The following EXT1 variants were observed in gnomAD, a reference collection of about 807,000 sequenced individuals.
The protein encoded by EXT1 is exostosin-1.
A neutral mutation model predicts 82.5 loss-of-function variants in EXT1; 20 were observed. The observed-to-expected ratio is 0.24, with a 90% CI of 0.17 to 0.35. The LOEUF (loss-of-function observed/expected upper bound fraction) is 0.35, where lower values mean the gene tolerates loss of function less well. EXT1 is among the 10% of genes least tolerant of loss of function. The pLI, the probability that EXT1 is intolerant of heterozygous loss-of-function variation, is 1.00. For missense variants in EXT1, 757 were observed against 936.5 expected (o/e 0.81, Z 2.50); for synonymous variants, 348 against 350.8 (o/e 0.99, Z 0.09).
At chr8:118,091,555 A>G (rs1238614993) in intron 1 of EXT1, among the ~76,000 whole-genome samples, 3 of 152,056 alleles carry the variant, frequency 2.0e-5, no homozygotes, top group Non-Finnish European at 2.9e-5. Context: ...TGGCTAACAC[A>G]GTGAAACTCC....
chr8:117,911,915 C>T (rs1813654800), intron 1 of EXT1, among the ~76,000 whole-genome samples: 2 of 152,108 alleles, frequency 1.3e-5, no homozygotes, highest in Admixed American at 1.3e-4. Context: ...ACACAATCTG[C>T]AATATGAATC....
At position 118,110,591 on chromosome 8, in the gene EXT1, G is replaced by A. The variant is rs1554601534; in HGVS notation, c.456C>T (p.Cys152=). 6.2e-7 allele frequency: 1 copy of A among 1,614,206 alleles called. No individual in the cohort carries two copies. The highest frequency in any genetic ancestry group is 8.5e-7 in the Non-Finnish European group (1 of 1,180,030). ...AAGTATCCAGACTCAGGACAAAGAG[G>A]CACGCCTGGCTGGGGTCCGAGGTGT... ...RFYTSDPSQA[C]LFVLSLDTLD... is the part of the protein sequence containing the mutation. The change falls in exon 1 of 11, where the codon TGC becomes TGT. Residue 152 remains cysteine (C), a synonymous_variant. Coordinates refer to ENST00000378204, the MANE Select transcript of EXT1 (RefSeq NM_000127.3).
At chr8:117,908,760 CAATT>C (rs1483379023) in intron 1 of EXT1, among the ~76,000 whole-genome samples, 1 of 152,128 alleles carries the variant, frequency 6.6e-6, no homozygotes, top group African/African-American at 2.4e-5. Flanking sequence ...AATTTATAAA[CAATT>C]AAATTGATGA....
intron 1 of EXT1, among the ~76,000 whole-genome samples, chr8:118,053,719 C>T (rs888273283): frequency 4.6e-5 from 7 of 152,230 alleles, no homozygotes; most frequent in Non-Finnish European, 8.8e-5. Context: ...CCATTTTACA[C>T]ATGAGGGAGC....
At chr8:118,025,165 A>C (rs1477405541) in intron 1 of EXT1, among the ~76,000 whole-genome samples, 1 of 152,220 alleles carries the variant, frequency 6.6e-6, no homozygotes, top group African/African-American at 2.4e-5. Flanking sequence ...ATTTGCTATA[A>C]GAAGTTTTCT....
At chr8:118,021,260 G>A (rs17505262) in intron 1 of EXT1, among the ~76,000 whole-genome samples, 24 of 152,244 alleles carry the variant, frequency 1.6e-4, no homozygotes, top group African/African-American at 5.1e-4. Flanking sequence ...TATTACAAAG[G>A]TTTTTGTTCT....
intron 7 of EXT1, among the ~76,000 whole-genome samples, chr8:117,814,551 T>G (rs1350563887): frequency 6.6e-6 from 1 of 152,024 alleles, no homozygotes; most frequent in Non-Finnish European, 1.5e-5. Context: ...CCCAGGATTT[T>G]CCCCCAGATG....
intron 1 of EXT1, among the ~76,000 whole-genome samples, chr8:118,090,231 G>A (rs1466704499): frequency 2.0e-5 from 3 of 151,994 alleles, no homozygotes; most frequent in African/African-American, 7.3e-5. Context: ...AGACCAGCCC[G>A]GGCAACACAG....
chr8:117,838,130 T>C (rs752651742), intron 1 of EXT1, among the ~76,000 whole-genome samples: 6 of 152,186 alleles, frequency 3.9e-5, no homozygotes, highest in Non-Finnish European at 7.3e-5. Context: ...TTAAGAAAAC[T>C]TGGGAAAGTA....
intron 9 of EXT1, among the ~76,000 whole-genome samples, chr8:117,805,188 A>T (rs1431361599): frequency 1.3e-5 from 2 of 152,220 alleles, no homozygotes; most frequent in Non-Finnish European, 2.9e-5. Context: ...AGAGATACAG[A>T]CATACAGACA....
chr8:118,111,413 A>ACCAC lies in EXT1; in HGVS notation c.-368_-367insGTGG. 1 of 541,370 alleles carries ACCAC rather than the reference A, an allele frequency of 1.8e-6. No homozygotes were observed. Among genetic ancestry groups the ACCAC allele is most frequent in the South Asian group, 2.8e-5 (1 of 35,830 alleles). The allele number at this position is 541,370 out of a possible 1,614,324, so 33.5% of individuals were successfully genotyped here. A position where few individuals can be genotyped will look rare whatever the true frequency, so the allele number is the denominator to read the frequency against. ...CTCCCGATACCCAATCAATGGCAAG[A>ACCAC]CGAAGTGATTGCCTTGCCTCTCGGA... On this transcript the variant is annotated 5_prime_UTR_variant, in exon 1 of 11. Coordinates refer to ENST00000378204, the MANE Select transcript of EXT1 (RefSeq NM_000127.3).
At chr8:117,902,406 T>G (rs1029172535) in intron 1 of EXT1, among the ~76,000 whole-genome samples, 1 of 152,208 alleles carries the variant, frequency 6.6e-6, no homozygotes, top group Non-Finnish European at 1.5e-5. Flanking sequence ...TTCATAAAAC[T>G]GGCAATACAG....
intron 1 of EXT1, among the ~76,000 whole-genome samples, chr8:118,090,212 A>G (rs935161775): frequency 2.0e-5 from 3 of 152,206 alleles, no homozygotes; most frequent in Non-Finnish European, 2.9e-5. Flanking sequence ...ACTTAAGACC[A>G]GGAGTTTGAG....
At chr8:117,851,616 GACACACACAC>G (rs35686154) in intron 1 of EXT1, among the ~76,000 whole-genome samples, 48 of 147,964 alleles carry the variant, frequency 3.2e-4, no homozygotes, top group South Asian at 2.2e-3. Flanking sequence ...AATTTAGCTG[GACACACACAC>G]ACACACACAC....
At chr8:117,942,892 T>C (rs1366970024) in intron 1 of EXT1, among the ~76,000 whole-genome samples, 2 of 152,226 alleles carry the variant, frequency 1.3e-5, no homozygotes, top group Non-Finnish European at 1.5e-5. Context: ...CCCTGACACG[T>C]AGCAGTCAAA....
At chr8:117,812,421 C>G (rs1189826724) in intron 8 of EXT1, among the ~76,000 whole-genome samples, 1 of 152,134 alleles carries the variant, frequency 6.6e-6, no homozygotes, top group Non-Finnish European at 1.5e-5. Flanking sequence ...TAAACCAAGA[C>G]AGAAAAGCTG....
Position 117,853,122 on chromosome 8 carries a change from G to A in EXT1, c.963-15921C>T, listed in dbSNP as rs372707149. ...AAATTTAAAGTACTTTTGGGAAAACGAAGTATGTGTACCATAATTAGTCAT... is the reference window on the plus strand; with the variant it reads ...AAATTTAAAGTACTTTTGGGAAAACAAAGTATGTGTACCATAATTAGTCAT... On this transcript the variant is annotated intron_variant, in intron 1 of 10. Transcript: ENST00000378204. Among the ~76,000 whole-genome samples, 28 of 152,326 alleles carry A rather than the reference G, an allele frequency of 1.8e-4. No homozygotes were observed. In the South Asian group the frequency reaches 4.3e-3, roughly 24 times the overall value.
intron 1 of EXT1, among the ~76,000 whole-genome samples, chr8:118,085,479 GTT>G (rs58866328): frequency 4.9e-4 from 62 of 126,720 alleles, no homozygotes; most frequent in South Asian, 7.9e-4. Flanking sequence ...GGCTGTTTTT[GTT>G]TTTTTTTTTT....
chr8:117,891,470 T>C (rs7007735), intron 1 of EXT1, among the ~76,000 whole-genome samples: 36,558 of 152,066 alleles, frequency 0.24, 5,463 homozygotes, highest in East Asian at 0.37. Flanking sequence ...AATAGGATAA[T>C]AAGGTGGCAG....
Sources: allele counts gnomAD v4.1 joint callset (sites outside exome capture counted in the v4.1 genomes callset), GRCh38; gene constraint gnomAD v4.1.1; transcripts MANE v1.5; gene names NCBI Gene and HGNC (gene_info 2026-07-23, HGNC 2026-07-21).